The following PGM1 variants were observed in gnomAD, a reference collection of about 807,000 sequenced individuals.
PGM1 encodes the protein phosphoglucomutase 1.
PGM1 carries 52 observed loss-of-function variants against 55.6 expected under a neutral mutation model. The observed-to-expected ratio is 0.94, with a 90% CI of 0.75 to 1.18. PGM1 has a LOEUF of 1.18. PGM1 is among the 50% of genes most tolerant of loss of function. PGM1 has a pLI of 0.00. For synonymous variants in PGM1, 287 were observed against 271.7 expected (o/e 1.06, Z -0.55); for missense variants, 724 against 729.3 (o/e 0.99, Z 0.08).
chr1:63,635,677 T>G (rs947575124), intron 5 of PGM1, among the ~76,000 whole-genome samples: 4 of 152,192 alleles, frequency 2.6e-5, no homozygotes, highest in Admixed American at 2.6e-4. Flanking sequence ...ATCCACTGTT[T>G]CCTGAAAAAT....
intron 1 of PGM1, among the ~76,000 whole-genome samples, chr1:63,612,541 C>CCTCTTTTTCTCGCTTGCATTCAT (rs1648597964): frequency 1.3e-5 from 2 of 152,128 alleles, no homozygotes; most frequent in African/African-American, 4.8e-5. Flanking sequence ...CAGCTGGGAC[C>CCTCTTTTTCTCGCTTGCATTCAT]CTCTTTTTCT....
At chr1:63,607,250 C>G (rs1648447056) in intron 1 of PGM1, among the ~76,000 whole-genome samples, 1 of 152,114 alleles carries the variant, frequency 6.6e-6, no homozygotes, top group Non-Finnish European at 1.5e-5. Flanking sequence ...TTCCATTTAC[C>G]AAGTGAAACC....
At chr1:63,624,341 G>A (rs1199220588) in intron 1 of PGM1, among the ~76,000 whole-genome samples, 2 of 152,166 alleles carry the variant, frequency 1.3e-5, no homozygotes, top group South Asian at 2.1e-4. Flanking sequence ...CAAAGAAGCC[G>A]TGCGCATGGT....
intron 5 of PGM1, 73 bp from the exon 6 acceptor site, chr1:63,636,161 C>T (rs1649355442): frequency 3.6e-6 from 5 of 1,378,524 alleles, no homozygotes; most frequent in Non-Finnish European, 5.2e-6. Flanking sequence ...TTTTATAAAA[C>T]CCCCATGAAA....
chr1:63,620,185 G>C (rs967614460), intron 1 of PGM1, among the ~76,000 whole-genome samples: 59 of 152,310 alleles, frequency 3.9e-4, no homozygotes, highest in African/African-American at 1.4e-3. Context: ...AAAGATTTGA[G>C]CCCTAGTTGT....
rs548546694 is a variant in PGM1 at position 63,593,866 on chromosome 1, C to G, written c.246+132C>G. 22 of 1,293,908 alleles carry G rather than the reference C, an allele frequency of 1.7e-5. No homozygotes were observed. In the African/African-American group the frequency reaches 3.3e-4, roughly 19 times the overall value. The allele number at this position is 1,293,908 out of a possible 1,614,324, so 80.2% of individuals were successfully genotyped here. ...CTCGGTTTCCACCTCCCGCTCCTCC[C>G]TCTCCTTCGCGCTCGCTCTTCTGGC... On this transcript the variant is annotated intron_variant, in intron 1 of 10. Transcript: ENST00000371084.
At position 63,651,655 on chromosome 1, in the gene PGM1, G is replaced by A. The variant is rs368293066; in HGVS notation, c.1281-14G>A. The A allele has an allele frequency of 4.3e-6, 7 of 1,612,874 alleles. No individual in the cohort carries two copies. The highest frequency in any genetic ancestry group is 1.7e-4 in the Middle Eastern group (1 of 6,026). On this transcript the variant is annotated splice_polypyrimidine_tract_variant and intron_variant, in intron 8 of 10. Transcript: ENST00000371084. ...CAGTCAGCCCGTGGGCCTCAACTTC[G>A]TGACTTCTTCCAGGTATGATTACGA... is the stretch of plus-strand genomic sequence containing the variant.
chr1:63,609,485 C>T (rs11589821), intron 1 of PGM1, among the ~76,000 whole-genome samples: 22,696 of 152,136 alleles, frequency 0.15, 2,213 homozygotes, highest in South Asian at 0.22. Context: ...GTGGGGGAGA[C>T]AGGCACTCCA....
intron 10 of PGM1, 127 bp downstream of exon 10, chr1:63,654,593 T>C: frequency 1.2e-6 from 1 of 853,328 alleles, no homozygotes. Flanking sequence ...CTTACTTTCT[T>C]CCATGTTTCT....
chr1:63,593,851 A>C, intron 1 of PGM1, 117 bp downstream of exon 1: 2 of 1,297,896 alleles, frequency 1.5e-6, no homozygotes, highest in Non-Finnish European at 9.7e-7. Flanking sequence ...CTCGGTTTCC[A>C]CCTCCCGCTC....
At position 63,629,465 on chromosome 1, in the gene PGM1, C is replaced by A. The variant is rs938528769; in HGVS notation, c.287C>A (p.Thr96Asn). The A allele has an allele frequency of 6.2e-7, 1 of 1,613,760 alleles. No homozygotes were observed. The highest frequency in any genetic ancestry group is 8.5e-7 in the Non-Finnish European group (1 of 1,179,706). ...LVIGQNGILS[T>N]PAVSCIIRKI... The stretch of plus-strand genomic sequence containing the variant: ...ATCGGACAGAATGGAATCCTCTCCA[C>A]CCCTGCTGTATCCTGCATCATTAGA... The change falls in exon 2 of 11, where the codon ACC becomes AAC. Residue 96 changes from threonine (T) to asparagine (N), a missense_variant. Around this residue, in one of 3 missense-constraint regions of PGM1, gnomAD observed 379 missense variants for 357.5 expected, o/e 1.06. Coordinates refer to ENST00000371084, the MANE Select transcript of PGM1 (RefSeq NM_002633.3).
chr1:63,623,581 C>G, intron 1 of PGM1: 1 of 1,612,756 alleles, frequency 6.2e-7, no homozygotes, highest in Non-Finnish European at 8.5e-7. Flanking sequence ...AAGTGGATTA[C>G]GGAAGAAAAC....
Position 63,638,760 on chromosome 1 carries a change from G to A in PGM1, c.1104G>A (p.Ala368=), listed in dbSNP as rs776558188. Residue 368 remains alanine (A), a synonymous_variant, in exon 7 of 11, where the codon GCG becomes GCA. Coordinates refer to ENST00000371084, the MANE Select transcript of PGM1 (RefSeq NM_002633.3). ...AGTTTTTTGGGAATTTGATGGACGC[G>A]AGCAAACTGTCCCTTTGTGGGGAGG... ...GWKFFGNLMD[A]SKLSLCGEES... is the part of the protein sequence containing the mutation. 24 of 1,613,914 alleles carry A rather than the reference G, an allele frequency of 1.5e-5. No homozygotes were observed. Among genetic ancestry groups the A allele is most frequent in the Admixed American group, 6.7e-5 (4 of 60,000 alleles).
At chr1:63,647,294 A>AC (rs1649681069) in intron 7 of PGM1, among the ~76,000 whole-genome samples, 1 of 88,948 alleles carries the variant, frequency 1.1e-5, no homozygotes, top group Admixed American at 1.0e-4. Context: ...ATATATATAT[A>AC]TATATATATA....
At chr1:63,659,382 A>G (rs568870597) in intron 10 of PGM1, among the ~76,000 whole-genome samples, 2 of 152,330 alleles carry the variant, frequency 1.3e-5, no homozygotes, top group African/African-American at 2.4e-5. Flanking sequence ...TGTTCACTTT[A>G]CATGAAAGAC....
Position 63,615,550 on chromosome 1 carries a change from C to CTTTTTTTTTTTTTTT in PGM1, c.247-13859_247-13845dup, listed in dbSNP as rs1161161385. Among the ~76,000 whole-genome samples the CTTTTTTTTTTTTTTT allele has an allele frequency of 5.4e-4, 34 of 62,986 alleles. 1 individual carries two copies. The highest frequency in any genetic ancestry group is 1.5e-3 in the African/African-American group (22 of 14,826). The allele number at this position is 62,986 out of a possible 152,430, so 41.3% of individuals were successfully genotyped here. A position where few individuals can be genotyped will look rare whatever the true frequency, so the allele number is the denominator to read the frequency against. ...CCATTTCTCTCCTCTTCTTCTTCTTCTTTTTTTTTTTTTTTTTTTTTTTTT... is the reference window on the plus strand; with the variant it reads ...CCATTTCTCTCCTCTTCTTCTTCTTCTTTTTTTTTTTTTTTTTTTTTTTTTTTTTTTTTTTTTTTT... On this transcript the variant is annotated intron_variant, in intron 1 of 10. Coordinates refer to ENST00000371084, the MANE Select transcript of PGM1 (RefSeq NM_002633.3).
intron 1 of PGM1, among the ~76,000 whole-genome samples, chr1:63,604,160 G>A (rs1329100175): frequency 6.6e-6 from 1 of 152,164 alleles, no homozygotes; most frequent in African/African-American, 2.4e-5. Context: ...ACTTTGAGGT[G>A]CCTTCCAAAG....
At chr1:63,649,498 G>A (rs1206054261) in intron 8 of PGM1, among the ~76,000 whole-genome samples, 1 of 152,152 alleles carries the variant, frequency 6.6e-6, no homozygotes, top group African/African-American at 2.4e-5. Context: ...GATATTAGAT[G>A]AATTGTTTAT....
At chr1:63,623,856 C>T in intron 1 of PGM1, 1 of 755,874 alleles carries the variant, frequency 1.3e-6, no homozygotes, top group East Asian at 2.6e-5. Flanking sequence ...ATGTGGTATA[C>T]ACTTCAATTC....
Sources: allele counts gnomAD v4.1 joint callset (sites outside exome capture counted in the v4.1 genomes callset), GRCh38; gene constraint gnomAD v4.1.1; regional missense constraint gnomAD v4.1.1; transcripts MANE v1.5; gene names NCBI Gene and HGNC (gene_info 2026-07-23, HGNC 2026-07-21).